Variants in LIPK observed in about 807,000 individuals in gnomAD.
LIPK encodes lipase family member K.
Under a neutral mutation model 48.6 loss-of-function variants are expected in LIPK, and 32 were observed. That is an observed-to-expected ratio of 0.66 (90% CI 0.50 to 0.88). The LOEUF is 0.88. Ranked by LOEUF, LIPK falls within the 40% of genes least tolerant of loss-of-function variation. The pLI is 0.00. For missense variants in LIPK, 507 were observed against 478.5 expected (o/e 1.06, Z -0.56); for synonymous variants, 164 against 157.4 (o/e 1.04, Z -0.32).
At chr10:88,752,006 T>A (rs943526548) in intron 9 of LIPK, among the ~76,000 whole-genome samples, 1 of 152,060 alleles carries the variant, frequency 6.6e-6, no homozygotes, top group Non-Finnish European at 1.5e-5. Context: ...GTTTATAGAG[T>A]GCTATAGCCA....
chr10:88,734,369 A>G (rs558172656), intron 6 of LIPK, among the ~76,000 whole-genome samples: 2 of 152,244 alleles, frequency 1.3e-5, no homozygotes, highest in African/African-American at 2.4e-5. Context: ...AGCTCAGGCC[A>G]TGGAGAACCA....
At chr10:88,718,727 T>C (rs1336181553) in intron 1 of LIPK, among the ~76,000 whole-genome samples, 1 of 152,096 alleles carries the variant, frequency 6.6e-6, no homozygotes, top group African/African-American at 2.4e-5. Flanking sequence ...AATTCTAAAT[T>C]GACATTTACG....
chr10:88,720,051 G>A (rs1564975963), intron 1 of LIPK, among the ~76,000 whole-genome samples: 1 of 152,160 alleles, frequency 6.6e-6, no homozygotes, highest in Non-Finnish European at 1.5e-5. Context: ...GCAGTAGCTA[G>A]AGGGGTTGGG....
At chr10:88,723,276 A>C (rs370334939) in intron 1 of LIPK, among the ~76,000 whole-genome samples, 1 of 152,304 alleles carries the variant, frequency 6.6e-6, no homozygotes, top group Middle Eastern at 3.4e-3. Flanking sequence ...TGCTCAATAC[A>C]TAGTTATAAG....
At chr10:88,742,212 A>C (rs528977469) in intron 8 of LIPK, among the ~76,000 whole-genome samples, 1 of 152,304 alleles carries the variant, frequency 6.6e-6, no homozygotes, top group East Asian at 1.9e-4. Flanking sequence ...TGTGGTTACA[A>C]TTAGAGATGA....
intron 8 of LIPK, among the ~76,000 whole-genome samples, chr10:88,741,928 A>T (rs1280979678): frequency 1.3e-5 from 2 of 152,198 alleles, no homozygotes; most frequent in Admixed American, 6.6e-5. Context: ...ATTTATGAAG[A>T]CAAGTGTTTT....
chr10:88,707,059 T>A (rs1279836825), intron 1 of LIPK, among the ~76,000 whole-genome samples: 2 of 152,168 alleles, frequency 1.3e-5, no homozygotes, highest in Non-Finnish European at 2.9e-5. Flanking sequence ...ATTAAATAAT[T>A]ATTCTTTAAT....
At chr10:88,724,451 G>A (rs1842292638) in intron 1 of LIPK, 82 bp from the exon 2 acceptor site, 1 of 752,250 alleles carries the variant, frequency 1.3e-6, no homozygotes, top group African/African-American at 1.8e-5. Context: ...CTCTCTCATA[G>A]CAGTGTTATA....
chr10:88,724,129 G>T (rs909672270), intron 1 of LIPK, among the ~76,000 whole-genome samples: 14 of 152,044 alleles, frequency 9.2e-5, no homozygotes, highest in Non-Finnish European at 1.5e-5. Flanking sequence ...TAAAGGTTTT[G>T]CCAATGATTA....
chr10:88,728,756 G>T (rs1648044205), intron 3 of LIPK: 1 of 250,732 alleles, frequency 4.0e-6, no homozygotes, highest in Non-Finnish European at 8.1e-6. Flanking sequence ...CACAAGCTCT[G>T]CCCTCAGCTA....
intron 2 of LIPK, among the ~76,000 whole-genome samples, chr10:88,726,498 C>T (rs981704524): frequency 6.6e-6 from 1 of 152,188 alleles, no homozygotes; most frequent in Non-Finnish European, 1.5e-5. Context: ...TAAGACCAGC[C>T]TGGGCAACAT....
chr10:88,711,461 T>A (rs888877362), intron 1 of LIPK, among the ~76,000 whole-genome samples: 15 of 152,104 alleles, frequency 9.9e-5, no homozygotes, highest in Non-Finnish European at 2.2e-4. Flanking sequence ...GTACATTAGC[T>A]GTTTTGTTTC....
At chr10:88,747,282 T>G (rs1402251045) in intron 9 of LIPK, among the ~76,000 whole-genome samples, 1 of 152,120 alleles carries the variant, frequency 6.6e-6, no homozygotes. Flanking sequence ...CATCCATCAT[T>G]CTGATGCCAA....
chr10:88,749,477 A>C (rs1842826696), intron 9 of LIPK, among the ~76,000 whole-genome samples: 3 of 152,208 alleles, frequency 2.0e-5, no homozygotes, highest in African/African-American at 7.2e-5. Flanking sequence ...CAATCATTTG[A>C]TCTTCGACAA....
At position 88,728,402 on chromosome 10, in the gene LIPK, AG is replaced by A. The variant is rs1234899277; in HGVS notation, c.223+1492del. On this transcript the variant is annotated intron_variant, in intron 3 of 9. Transcript: ENST00000404190. ...GAAGGCTGAGAATGAGCTGTGTCGCAGGAAGAGGATCTTCCAGGTGAACCGA... is the reference window on the plus strand; with the variant it reads ...GAAGGCTGAGAATGAGCTGTGTCGCAGAAGAGGATCTTCCAGGTGAACCGA... 2.8e-4 allele frequency: 54 copies of A among 196,176 alleles called. No individual in the cohort carries two copies. The Middle Eastern group carries it at 0.01, about 37-fold the overall frequency. 12.2% of individuals were successfully genotyped at this position (196,176 alleles called of 1,614,324 possible). A position where few individuals can be genotyped will look rare whatever the true frequency, so the allele number is the denominator to read the frequency against.
intron 6 of LIPK, among the ~76,000 whole-genome samples, chr10:88,737,209 G>A (rs1039497297): frequency 1.3e-5 from 2 of 152,082 alleles, no homozygotes; most frequent in Non-Finnish European, 2.9e-5. Flanking sequence ...GCTAGGAACT[G>A]CACTAATTGT....
At chr10:88,721,856 T>C (rs866422316) in intron 1 of LIPK, among the ~76,000 whole-genome samples, 21 of 152,228 alleles carry the variant, frequency 1.4e-4, no homozygotes, top group African/African-American at 5.1e-4. Flanking sequence ...ATTTCCCTAC[T>C]ACTTTGCCAT....
rs997874988 is a variant in LIPK at position 88,730,804 on chromosome 10, A to C, written c.224-179A>C. Among the ~76,000 whole-genome samples, 10 of 152,226 alleles carry C rather than the reference A, an allele frequency of 6.6e-5. 1 individual carries two copies. The highest frequency in any genetic ancestry group is 2.2e-4 in the African/African-American group (9 of 41,440). On this transcript the variant is annotated intron_variant, in intron 3 of 9. Transcript: ENST00000404190. ...TCCCTTACAAATGAGAAAACAAGAC[A>C]GAGAACTTAAATAACTTACCCAAGT... is the stretch of plus-strand genomic sequence containing the variant.
Position 88,732,160 on chromosome 10 carries a change from A to C in LIPK, c.423-18A>C, listed in dbSNP as rs1298985937. ...AATGAGATGACTTTTCTAATTTGTT[A>C]TTCCTTCTTTTTGATAGTTTGGATG... On this transcript the variant is annotated intron_variant, in intron 4 of 9. Coordinates refer to ENST00000404190, the MANE Select transcript of LIPK (RefSeq NM_001080518.2). The C allele has an allele frequency of 6.5e-7, 1 of 1,532,442 alleles. No homozygotes were observed. Among genetic ancestry groups the C allele is most frequent in the Admixed American group, 1.8e-5 (1 of 56,704 alleles). The allele number at this position is 1,532,442 out of a possible 1,614,324, so 94.9% of individuals were successfully genotyped here.
Sources: gnomAD v4.1 joint callset for allele counts (sites outside exome capture counted in the v4.1 genomes callset) on GRCh38, gnomAD v4.1.1 for gene constraint, MANE v1.5 for transcripts, NCBI Gene and HGNC (gene_info 2026-07-23, HGNC 2026-07-21) for gene names.